The following ROBO2 variants were observed in gnomAD, a reference collection of about 807,000 sequenced individuals.
ROBO2 encodes the protein roundabout guidance receptor 2.
ROBO2 carries 53 observed loss-of-function variants against 160.8 expected under a neutral mutation model. The ratio of observed to expected loss-of-function variants is 0.33; its 90% CI spans 0.26 to 0.41. The LOEUF (loss-of-function observed/expected upper bound fraction) is 0.41, where lower values mean the gene tolerates loss of function less well. Ranked by LOEUF, ROBO2 falls within the 10% of genes least tolerant of loss-of-function variation. The pLI, the probability that ROBO2 is intolerant of heterozygous loss-of-function variation, is 1.00. For missense variants in ROBO2, 1,577 were observed against 1,722.4 expected, an observed-to-expected ratio of 0.92 and a Z score of 1.49; for synonymous variants, 664 against 611.7, an observed-to-expected ratio of 1.09 and a Z score of -1.26.
chr3:77,563,499 T>G (rs776710398), intron 11 of ROBO2, among the ~76,000 whole-genome samples, 170 bp downstream of exon 12: 1 of 152,182 alleles, frequency 6.6e-6, no homozygotes, highest in Non-Finnish European at 1.5e-5. Flanking sequence ...TTTTTTTAGT[T>G]TACAACTTAA....
chr3:77,352,637 AC>A (rs2068517141), intron 2 of ROBO2, among the ~76,000 whole-genome samples: 1 of 152,088 alleles, frequency 6.6e-6, no homozygotes, highest in Non-Finnish European at 1.5e-5. Context: ...AAAGTTCAAA[AC>A]TTTTGTTTTG....
intron 2 of ROBO2, among the ~76,000 whole-genome samples, chr3:76,899,738 T>C (rs1036980863): frequency 6.6e-6 from 1 of 152,162 alleles, no homozygotes; most frequent in African/African-American, 2.4e-5. Context: ...TCTTCCCTCC[T>C]CTGAGGTGTG....
intron 2 of ROBO2, among the ~76,000 whole-genome samples, chr3:77,165,079 G>GA (rs2078938751): frequency 1.3e-5 from 2 of 152,104 alleles, no homozygotes; most frequent in African/African-American, 4.8e-5. Flanking sequence ...GGCTCATTGA[G>GA]AACGGGCCAG....
At chr3:76,999,224 G>T (rs1294395611) in intron 2 of ROBO2, among the ~76,000 whole-genome samples, 2 of 151,760 alleles carry the variant, frequency 1.3e-5, no homozygotes, top group Non-Finnish European at 2.9e-5. Flanking sequence ...ATTGTGGAAT[G>T]AACTCTTGTT....
intron 2 of ROBO2, among the ~76,000 whole-genome samples, chr3:76,695,767 A>G (rs2092914539): frequency 2.6e-5 from 4 of 152,146 alleles, no homozygotes; most frequent in Admixed American, 6.6e-5. Flanking sequence ...AGAGGCTCAG[A>G]GAGGTTGTAT....
At chr3:75,957,589 T>C (rs1948766528) in intron 2 of ROBO2, among the ~76,000 whole-genome samples, 1 of 151,582 alleles carries the variant, frequency 6.6e-6, no homozygotes, top group Non-Finnish European at 1.5e-5. Flanking sequence ...TCTAAGTTAC[T>C]TATGCTTAAA....
At position 77,546,482 on chromosome 3, in the gene ROBO2, GCT is replaced by G; in HGVS notation, c.1059+21_1059+22del. ...AGCCAGGTGAGTGTGAGGCTTCACT[GCT>G]TTTCTGAAATCTCTGAACTTCTACT... is the stretch of plus-strand genomic sequence containing the variant. On this transcript the variant is annotated intron_variant, in intron 7 of 25. Coordinates refer to ENST00000461745, the Ensembl canonical transcript of ROBO2. The G allele has an allele frequency of 6.2e-7, 1 of 1,612,556 alleles. No individual in the cohort carries two copies. Among genetic ancestry groups the G allele is most frequent in the Non-Finnish European group, 8.5e-7 (1 of 1,178,840 alleles).
At chr3:76,614,745 A>G (rs2109131727) in intron 2 of ROBO2, among the ~76,000 whole-genome samples, 1 of 152,286 alleles carries the variant, frequency 6.6e-6, no homozygotes, top group Admixed American at 6.5e-5. Flanking sequence ...AAAAATTCAA[A>G]TTGGCTAATA....
intron 2 of ROBO2, among the ~76,000 whole-genome samples, chr3:76,734,775 A>G (rs1417993269): frequency 6.6e-6 from 1 of 152,218 alleles, no homozygotes; most frequent in Non-Finnish European, 1.5e-5. Flanking sequence ...ACTGCTGAAT[A>G]AAGAGCCACA....
At chr3:76,385,464 G>C (rs982265005) in intron 2 of ROBO2, among the ~76,000 whole-genome samples, 2 of 152,182 alleles carry the variant, frequency 1.3e-5, no homozygotes, top group Non-Finnish European at 2.9e-5. Context: ...TGCACAGTCT[G>C]TCACCTTATC....
At chr3:76,238,913 G>C (rs138599478) in intron 2 of ROBO2, among the ~76,000 whole-genome samples, 1 of 152,180 alleles carries the variant, frequency 6.6e-6, no homozygotes, top group South Asian at 2.1e-4. Context: ...TTGTAGAAGA[G>C]TGAAAAAATA....
chr3:77,037,815 C>T (rs1028803093), upstream of ROBO2, among the ~76,000 whole-genome samples: 1 of 152,118 alleles, frequency 6.6e-6, no homozygotes, highest in Non-Finnish European at 1.5e-5. Flanking sequence ...CAATGTCTTC[C>T]TTTCTGTGAA....
At chr3:77,243,472 G>A (rs959218246) in intron 2 of ROBO2, among the ~76,000 whole-genome samples, 1 of 152,178 alleles carries the variant, frequency 6.6e-6, no homozygotes, top group African/African-American at 2.4e-5. Context: ...GGAGCTGGGT[G>A]TGGAGGGTAG....
At chr3:76,251,653 C>G (rs1576103122) in intron 2 of ROBO2, among the ~76,000 whole-genome samples, 2 of 152,046 alleles carry the variant, frequency 1.3e-5, no homozygotes, top group African/African-American at 4.8e-5. Context: ...GCTTATGTAA[C>G]TGTTTTCTAT....
chr3:77,471,132 T>C (rs1344766663), intron 2 of ROBO2, among the ~76,000 whole-genome samples: 2 of 152,226 alleles, frequency 1.3e-5, no homozygotes, highest in African/African-American at 4.8e-5. Flanking sequence ...GGTTTAGAAA[T>C]GTATCTTTCA....
intron 2 of ROBO2, among the ~76,000 whole-genome samples, chr3:75,945,598 C>G (rs1422021882): frequency 6.6e-6 from 1 of 151,996 alleles, no homozygotes; most frequent in Non-Finnish European, 1.5e-5. Context: ...CAATTGACTA[C>G]AAAACAAACT....
chr3:76,191,068 A>T (rs1303641972), intron 2 of ROBO2, among the ~76,000 whole-genome samples: 1 of 152,166 alleles, frequency 6.6e-6, no homozygotes. Flanking sequence ...TAGCAACAGT[A>T]GAATATTATA....
intron 2 of ROBO2, among the ~76,000 whole-genome samples, chr3:77,196,989 GA>G (rs5850313): frequency 0.16 from 22,332 of 138,868 alleles, 2,378 homozygotes; most frequent in East Asian, 0.45. Flanking sequence ...AGAAGGTAGA[GA>G]AAAAAAAAAC....
intron 1 of ROBO2, among the ~76,000 whole-genome samples, chr3:77,080,469 G>A (rs1229887605): frequency 6.6e-6 from 1 of 152,170 alleles, no homozygotes; most frequent in Non-Finnish European, 1.5e-5. Context: ...GATTATGGGA[G>A]AAGCAGATGC....
Sources: gnomAD v4.1 joint callset for allele counts (sites outside exome capture counted in the v4.1 genomes callset) on GRCh38, gnomAD v4.1.1 for gene constraint, MANE v1.5 for transcripts, NCBI Gene and HGNC (gene_info 2026-07-23, HGNC 2026-07-21) for gene names.